TMEM131: variants seen among roughly 807,000 people sequenced by gnomAD.
The protein encoded by TMEM131 is 2610524E03Rik.
Under a neutral mutation model 211.6 loss-of-function variants are expected in TMEM131, and 66 were observed. The observed-to-expected ratio is 0.31, with a 90% confidence interval of 0.26 to 0.38. The LOEUF (loss-of-function observed/expected upper bound fraction) is 0.38, where lower values mean the gene tolerates loss of function less well. Among genes scored for constraint, TMEM131 ranks in the 10% least tolerant of loss-of-function variants. The pLI is 1.00. For missense variants in TMEM131, 2,036 were observed against 2,299.3 expected, an observed-to-expected ratio of 0.89 and a Z score of 2.34; for synonymous variants, 844 against 841.3, an observed-to-expected ratio of 1.00 and a Z score of -0.06.
intron 1 of TMEM131, among the ~76,000 whole-genome samples, chr2:97,952,713 C>G (rs1172709038): frequency 6.6e-6 from 1 of 151,986 alleles, no homozygotes; most frequent in Non-Finnish European, 1.5e-5. Context: ...TACATCACTA[C>G]AAAAAAATTT....
intron 1 of TMEM131, among the ~76,000 whole-genome samples, chr2:97,961,087 T>A (rs1678793376): frequency 1.3e-5 from 2 of 151,334 alleles, no homozygotes; most frequent in South Asian, 4.2e-4. Context: ...AAAGACTGAA[T>A]GTTTCCCCCC....
intron 19 of TMEM131, among the ~76,000 whole-genome samples, chr2:97,807,723 G>A (rs1019138619): frequency 2.0e-5 from 3 of 152,184 alleles, no homozygotes; most frequent in Non-Finnish European, 4.4e-5. Context: ...TGTGTCATCT[G>A]CTGTCTTCTG....
At position 97,802,428 on chromosome 2, in the gene TMEM131, C is replaced by T; in HGVS notation, c.2651G>A (p.Arg884Lys). The T allele has an allele frequency of 6.3e-7, 1 of 1,594,122 alleles. No homozygotes were observed. Among genetic ancestry groups the T allele is most frequent in the Non-Finnish European group, 8.6e-7 (1 of 1,169,350 alleles). The change falls in exon 24 of 41, where the codon AGG becomes AAG. Residue 884 changes from arginine (R) to lysine (K), a missense_variant and splice_region_variant. Arg to Lys is a conservative substitution (Grantham distance 26). Transcript: ENST00000186436. ...TGTGATGATCCCAAGCAATACTTAC[C>T]TTGATACTAACTTATCTACAAACAC... The part of the protein sequence containing the change: ...PSVFVDKLVS[R>K]FNLSKVAKID...
chr2:97,936,596 A>G (rs1677457076), intron 1 of TMEM131, among the ~76,000 whole-genome samples: 1 of 152,240 alleles, frequency 6.6e-6, no homozygotes, highest in Admixed American at 6.5e-5. Flanking sequence ...CACCACACGG[A>G]GACTTCAGTA....
intron 29 of TMEM131, 144 bp from the exon 30 acceptor site, chr2:97,793,697 C>T: frequency 1.2e-6 from 1 of 848,006 alleles, no homozygotes; most frequent in Non-Finnish European, 1.8e-6. Flanking sequence ...TTTTAACAGA[C>T]AAAACCCACA....
chr2:97,947,032 T>C (rs1678076948), intron 1 of TMEM131, among the ~76,000 whole-genome samples: 1 of 151,976 alleles, frequency 6.6e-6, no homozygotes, highest in South Asian at 2.1e-4. Flanking sequence ...GTAAAAGATC[T>C]TGGCAAAATG....
At chr2:97,758,841 T>G in intron 40 of TMEM131, 52 bp downstream of exon 40, 1 of 1,559,944 alleles carries the variant, frequency 6.4e-7, no homozygotes, top group Non-Finnish European at 8.7e-7. Flanking sequence ...CAATGGCAGA[T>G]GGCGAGTGGG....
At chr2:97,870,303 A>C (rs916602035) in intron 4 of TMEM131, among the ~76,000 whole-genome samples, 1 of 152,176 alleles carries the variant, frequency 6.6e-6, no homozygotes, top group East Asian at 1.9e-4. Context: ...ATTCTGGTCT[A>C]TCTTAGAATT....
chr2:97,964,996 G>A (rs1178841588), intron 1 of TMEM131, among the ~76,000 whole-genome samples: 1 of 152,154 alleles, frequency 6.6e-6, no homozygotes, highest in Non-Finnish European at 1.5e-5. Context: ...AGCCATGGGC[G>A]GCCTCTGAGG....
At chr2:97,816,019 A>G (rs1444444822) in intron 12 of TMEM131, among the ~76,000 whole-genome samples, 1 of 152,182 alleles carries the variant, frequency 6.6e-6, no homozygotes, top group African/African-American at 2.4e-5. Context: ...TCTTAGATGA[A>G]GTAAAAACTT....
chr2:97,769,027 CAGTCTCTAACTCCTGGGCTCAACTCCTG>C (rs1344123948), intron 33 of TMEM131, among the ~76,000 whole-genome samples: 9 of 150,434 alleles, frequency 6.0e-5, no homozygotes, highest in Non-Finnish European at 1.2e-4. Context: ...CGGCTCTCTG[CAGTCTCTAACTCCTGGGCTCAACTCCTG>C]AGTCTCTAAC....
chr2:97,892,008 G>T (rs1015156273), intron 3 of TMEM131, among the ~76,000 whole-genome samples: 10 of 152,124 alleles, frequency 6.6e-5, no homozygotes, highest in Non-Finnish European at 5.9e-5. Context: ...AGTTTAAATT[G>T]ATTTCAAATA....
At chr2:97,933,199 T>C (rs912196701) in intron 1 of TMEM131, among the ~76,000 whole-genome samples, 3 of 152,176 alleles carry the variant, frequency 2.0e-5, no homozygotes, top group South Asian at 2.1e-4. Flanking sequence ...TGCGTGACCA[T>C]AGTACCCAAA....
At position 97,797,425 on chromosome 2, in the gene TMEM131, G is replaced by A; in HGVS notation, c.2810C>T (p.Ser937Phe). 6.2e-7 allele frequency: 1 copy of A among 1,612,940 alleles called. No homozygotes were observed. Among genetic ancestry groups the A allele is most frequent in the Middle Eastern group, 1.8e-4 (1 of 5,510 alleles). Residue 937 changes from serine to phenylalanine, a missense_variant, in exon 26 of 41, where the codon TCT becomes TTT. Physicochemically the swap from Ser to Phe is radical, Grantham distance 155 (BLOSUM62 -2). This residue lies in a region of TMEM131 where 1,623 missense variants were observed against 1,805.9 expected (regional missense o/e 0.90). Coordinates refer to ENST00000186436, the MANE Select transcript of TMEM131 (RefSeq NM_015348.2). Reference protein sequence around the residue: ...NLILKPGEKKSVKVKFTPVHN... With the variant: ...NLILKPGEKKFVKVKFTPVHN... ...AACTGGAGTAAACTTTACTTTGACA[G>A]ATTTCTTTTCTCCAGGTTTTAAAAT...
chr2:97,904,048 T>C (rs1270479699), intron 3 of TMEM131, among the ~76,000 whole-genome samples: 1 of 152,144 alleles, frequency 6.6e-6, no homozygotes, highest in Non-Finnish European at 1.5e-5. Context: ...AAATCAATAG[T>C]TCTACATTAG....
intron 2 of TMEM131, among the ~76,000 whole-genome samples, chr2:97,918,133 G>A (rs1031379273): frequency 9.2e-5 from 14 of 151,922 alleles, no homozygotes; most frequent in Admixed American, 3.3e-4. Flanking sequence ...TAGTAGAGAC[G>A]GGTTTTCACC....
chr2:97,833,961 C>T (rs1027007233), intron 10 of TMEM131, among the ~76,000 whole-genome samples: 6 of 152,240 alleles, frequency 3.9e-5, no homozygotes, highest in East Asian at 1.9e-4. Flanking sequence ...TCATGCCCAG[C>T]CCCCCAAATA....
At chr2:97,888,215 C>A (rs1675239645) in intron 3 of TMEM131, 95 bp from the exon 4 acceptor site, 2 of 1,001,424 alleles carry the variant, frequency 2.0e-6, no homozygotes, top group Non-Finnish European at 2.9e-6. Flanking sequence ...CATAACAATG[C>A]CATTTTAAGA....
chr2:97,793,306 C>T, intron 30 of TMEM131, 89 bp downstream of exon 30: 1 of 1,387,312 alleles, frequency 7.2e-7, no homozygotes, highest in Non-Finnish European at 9.8e-7. Flanking sequence ...TTCTCCTGAG[C>T]AAAGATGAAA....
Sources: gnomAD v4.1 joint callset for allele counts (sites outside exome capture counted in the v4.1 genomes callset) on GRCh38, gnomAD v4.1.1 for gene constraint, gnomAD v4.1.1 regional missense constraint, MANE v1.5 for transcripts, NCBI Gene and HGNC (gene_info 2026-07-23, HGNC 2026-07-21) for gene names.